LARS1: variants seen among roughly 807,000 people sequenced by gnomAD.
The protein encoded by LARS1 is leucine--tRNA ligase, cytoplasmic.
In LARS1, 100 loss-of-function variants were observed where a neutral mutation model predicts 162.8. That is an observed-to-expected ratio of 0.61 (90% CI 0.52 to 0.73). LARS1 has a LOEUF of 0.73. Among genes scored for constraint, LARS1 ranks in the 30% least tolerant of loss-of-function variants. The pLI, the probability that LARS1 is intolerant of heterozygous loss-of-function variation, is 0.00. For synonymous variants in LARS1, 457 were observed against 462.8 expected, an observed-to-expected ratio of 0.99 and a Z score of 0.16; for missense variants, 1,258 against 1,408.9, an observed-to-expected ratio of 0.89 and a Z score of 1.71.
At chr5:146,130,246 A>T in intron 24 of LARS1, 88 bp from the exon 25 acceptor site, 1 of 1,274,918 alleles carries the variant, frequency 7.8e-7, no homozygotes, top group Non-Finnish European at 1.1e-6. Flanking sequence ...GTTTTAACAC[A>T]TTTTTAAGTT....
chr5:146,140,121 A>G (rs1024103363), intron 21 of LARS1, 83 bp downstream of exon 21: 3 of 1,062,856 alleles, frequency 2.8e-6, no homozygotes, highest in African/African-American at 3.1e-5. Flanking sequence ...TATTTCTTAC[A>G]TACATTTAAA....
At position 146,114,070 on chromosome 5, in the gene LARS1, C is replaced by T; in HGVS notation, c.*36G>A. The T allele has an allele frequency of 6.5e-7, 1 of 1,528,668 alleles. No homozygotes were observed. Among genetic ancestry groups the T allele is most frequent in the Non-Finnish European group, 9.1e-7 (1 of 1,103,978 alleles). 94.7% of individuals were successfully genotyped at this position (1,528,668 alleles called of 1,614,324 possible). A position where few individuals can be genotyped will look rare whatever the true frequency, so the allele number is the denominator to read the frequency against. The stretch of plus-strand genomic sequence containing the variant: ...AGACACAATCAGAGTAGTAGTATTC[C>T]TAAGAAACCAGGATAAATCTCCAAT... On this transcript the variant is annotated 3_prime_UTR_variant, in exon 32 of 32. Coordinates refer to ENST00000394434, the MANE Select transcript of LARS1 (RefSeq NM_020117.11).
chr5:146,175,951 T>C (rs1754541255), intron 2 of LARS1, among the ~76,000 whole-genome samples: 1 of 151,890 alleles, frequency 6.6e-6, no homozygotes, highest in African/African-American at 2.4e-5. Context: ...AGCCAGGAGT[T>C]TGAGACCAGC....
At chr5:146,123,607 C>T (rs966754326) in intron 29 of LARS1, among the ~76,000 whole-genome samples, 1 of 151,746 alleles carries the variant, frequency 6.6e-6, no homozygotes, top group African/African-American at 2.4e-5. Context: ...TAATCCAATT[C>T]TGCAAATCAA....
At chr5:146,143,206 T>A (rs1053641450) in intron 19 of LARS1, 122 bp from the exon 20 acceptor site, 8 of 799,982 alleles carry the variant, frequency 1.0e-5, no homozygotes, top group East Asian at 2.8e-5. Flanking sequence ...CAGGAACAAA[T>A]AAGGACAACA....
chr5:146,160,848 A>G (rs1374063265), intron 6 of LARS1, among the ~76,000 whole-genome samples: 2 of 152,146 alleles, frequency 1.3e-5, no homozygotes, highest in Non-Finnish European at 2.9e-5. Context: ...TTCTAATTCA[A>G]CAAATAGTGA....
intron 1 of LARS1, among the ~76,000 whole-genome samples, chr5:146,181,941 T>C (rs901337860): frequency 1.4e-5 from 2 of 147,088 alleles, no homozygotes; most frequent in Non-Finnish European, 3.0e-5. Flanking sequence ...TGTTTGTTTA[T>C]TTATTTATTT....
chr5:146,174,521 CATAT>C (rs60132964), intron 2 of LARS1, among the ~76,000 whole-genome samples: 737 of 19,444 alleles, frequency 0.038, 134 homozygotes, highest in Non-Finnish European at 0.061. Flanking sequence ...TATATATATC[CATAT>C]ATATATATAT....
chr5:146,163,844 G>A (rs545797605), intron 6 of LARS1, among the ~76,000 whole-genome samples: 1 of 152,300 alleles, frequency 6.6e-6, no homozygotes, highest in Non-Finnish European at 1.5e-5. Context: ...TGAGAGACAT[G>A]TGACTCTCCC....
At chr5:146,176,249 C>G (rs13179517) in intron 2 of LARS1, among the ~76,000 whole-genome samples, 1 of 151,576 alleles carries the variant, frequency 6.6e-6, no homozygotes, top group Non-Finnish European at 1.5e-5. Context: ...GTCAGGAAAT[C>G]GAGACCATCC....
intron 6 of LARS1, among the ~76,000 whole-genome samples, chr5:146,161,982 G>C (rs1489284849): frequency 6.6e-6 from 1 of 152,126 alleles, no homozygotes. Context: ...TTATCTTCAA[G>C]CTCCACTTGT....
chr5:146,137,723 G>A, intron 21 of LARS1: 1 of 236,198 alleles, frequency 4.2e-6, no homozygotes, highest in South Asian at 4.7e-5. Flanking sequence ...TCCTATGGAG[G>A]CCTGCTGGGA....
At chr5:146,173,877 C>T (rs895292489) in intron 2 of LARS1, among the ~76,000 whole-genome samples, 2 of 152,010 alleles carry the variant, frequency 1.3e-5, no homozygotes, top group Non-Finnish European at 2.9e-5. Flanking sequence ...GTTTCGCTCA[C>T]TTGTGAGTTT....
chr5:146,176,800 C>T (rs1418584991), intron 2 of LARS1, among the ~76,000 whole-genome samples: 2 of 151,922 alleles, frequency 1.3e-5, no homozygotes, highest in Non-Finnish European at 2.9e-5. Context: ...ATAATATCTT[C>T]AACATTTATA....
intron 8 of LARS1, among the ~76,000 whole-genome samples, 161 bp downstream of exon 8, chr5:146,159,246 A>T (rs892543952): frequency 6.6e-6 from 1 of 152,196 alleles, no homozygotes; most frequent in Admixed American, 6.5e-5. Context: ...CACAAGATAC[A>T]GGTACCTGTA....
chr5:146,148,450 TTAAGAA>T (rs1164183223), intron 15 of LARS1, among the ~76,000 whole-genome samples: 2 of 152,190 alleles, frequency 1.3e-5, no homozygotes, highest in African/African-American at 4.8e-5. Context: ...TGTATTTTAA[TTAAGAA>T]TGTTTTAAAA....
intron 4 of LARS1, among the ~76,000 whole-genome samples, chr5:146,169,631 C>T (rs1040284902): frequency 1.3e-5 from 2 of 151,916 alleles, no homozygotes; most frequent in Non-Finnish European, 2.9e-5. Context: ...TCACTGCAAC[C>T]TCTACTTCCC....
At position 146,144,258 on chromosome 5, in the gene LARS1, T is replaced by A; in HGVS notation, c.1738+9A>T. 3 of 1,589,576 alleles carry A rather than the reference T, an allele frequency of 1.9e-6. No individual in the cohort carries two copies. Among genetic ancestry groups the A allele is most frequent in the Non-Finnish European group, 2.6e-6 (3 of 1,172,396 alleles). ...GTTATCCAAACAGAAAAATTTCAAG[T>A]TTGTTTACCTAGACCATAAGTTCTT... On this transcript the variant is annotated intron_variant, in intron 18 of 31. Coordinates refer to ENST00000394434, the MANE Select transcript of LARS1 (RefSeq NM_020117.11).
chr5:146,165,487 C>T (rs1272927934), intron 5 of LARS1, among the ~76,000 whole-genome samples: 1 of 151,802 alleles, frequency 6.6e-6, no homozygotes, highest in Non-Finnish European at 1.5e-5. Context: ...GCCAAGACTC[C>T]ACCACTGTAC....
Sources: gnomAD v4.1 joint callset for allele counts (sites outside exome capture counted in the v4.1 genomes callset) on GRCh38, gnomAD v4.1.1 for gene constraint, MANE v1.5 for transcripts, NCBI Gene and HGNC (gene_info 2026-07-23, HGNC 2026-07-21) for gene names.